The following CDK13 variants were observed in gnomAD, a reference collection of about 807,000 sequenced individuals.
CDK13 encodes the protein cyclin dependent kinase 13, also known as cyclin-dependent kinase 13.
Under a neutral mutation model 137.6 loss-of-function variants are expected in CDK13, and 40 were observed. That is an observed-to-expected ratio of 0.29 (90% CI 0.23 to 0.38). The LOEUF is 0.38. Among genes scored for constraint, CDK13 ranks in the 10% least tolerant of loss-of-function variants. CDK13 has a pLI of 1.00. For synonymous variants in CDK13, 869 were observed against 760.1 expected (o/e 1.14, Z -2.36); for missense variants, 1,704 against 1,951.8 (o/e 0.87, Z 2.39).
At chr7:39,967,753 A>G (rs1406861699) in intron 1 of CDK13, among the ~76,000 whole-genome samples, 1 of 152,154 alleles carries the variant, frequency 6.6e-6, no homozygotes, top group Non-Finnish European at 1.5e-5. Context: ...AACACTTGTT[A>G]TCTTTCATTT....
intron 1 of CDK13, among the ~76,000 whole-genome samples, chr7:39,954,107 G>C (rs929939232): frequency 3.3e-5 from 5 of 152,098 alleles, no homozygotes; most frequent in African/African-American, 1.2e-4. Context: ...TAACCCTTTG[G>C]AATGGTACAG....
chr7:40,024,337 G>T (rs1785191398), intron 5 of CDK13, among the ~76,000 whole-genome samples: 1 of 152,154 alleles, frequency 6.6e-6, no homozygotes, highest in Non-Finnish European at 1.5e-5. Context: ...GTCAGACTTT[G>T]TGAAAGAGTA....
intron 1 of CDK13, among the ~76,000 whole-genome samples, chr7:39,971,812 G>A (rs1221237675): frequency 6.6e-6 from 1 of 152,076 alleles, no homozygotes; most frequent in Non-Finnish European, 1.5e-5. Flanking sequence ...GAACCTGGGA[G>A]GTGGAGCTTG....
At chr7:40,028,640 A>G (rs1436484823) in intron 5 of CDK13, among the ~76,000 whole-genome samples, 1 of 152,170 alleles carries the variant, frequency 6.6e-6, no homozygotes, top group Non-Finnish European at 1.5e-5. Flanking sequence ...TGGTGGTCTC[A>G]CTGAGTCTTA....
In CDK13 at chr7:40,099,385, T is replaced by G. The variant is rs371459998; in HGVS notation, c.*4405T>G. The G allele has an allele frequency of 1.3e-5, 2 of 152,226 alleles. No homozygotes were observed. The highest frequency in any genetic ancestry group is 4.8e-5 in the African/African-American group (2 of 41,468). The allele number at this position is 152,226 out of a possible 1,614,324, so 9.4% of individuals were successfully genotyped here. A position where few individuals can be genotyped will look rare whatever the true frequency, so the allele number is the denominator to read the frequency against. ...CTAATTGTATTCAAATGAGGCTCTATAGTGAATACAGAATCACTCTTCTAA... is the reference window on the plus strand; with the variant it reads ...CTAATTGTATTCAAATGAGGCTCTAGAGTGAATACAGAATCACTCTTCTAA... On this transcript the variant is annotated 3_prime_UTR_variant, in exon 14 of 14. Coordinates refer to ENST00000181839, the MANE Select transcript of CDK13 (RefSeq NM_003718.5).
chr7:40,049,541 G>GA (rs778698525), intron 7 of CDK13, among the ~76,000 whole-genome samples: 2 of 151,988 alleles, frequency 1.3e-5, no homozygotes, highest in Non-Finnish European at 2.9e-5. Context: ...TATACATTGT[G>GA]AAATGGCTAC....
chr7:40,093,397 C>T (rs182289365), intron 13 of CDK13, among the ~76,000 whole-genome samples, 160 bp downstream of exon 13: 1 of 152,258 alleles, frequency 6.6e-6, no homozygotes, highest in East Asian at 1.9e-4. Flanking sequence ...CTGTTTACTT[C>T]CAGGAATGGA....
At chr7:40,005,298 T>C (rs1784775088) in intron 5 of CDK13, among the ~76,000 whole-genome samples, 1 of 151,920 alleles carries the variant, frequency 6.6e-6, no homozygotes, top group South Asian at 2.1e-4. Flanking sequence ...GAATTTTTTT[T>C]TTTTTTTTGA....
chr7:39,954,361 C>T (rs991798993), intron 1 of CDK13, among the ~76,000 whole-genome samples: 2 of 152,104 alleles, frequency 1.3e-5, no homozygotes, highest in Admixed American at 1.3e-4. Flanking sequence ...CTCACTTGTA[C>T]AGATTAATGG....
In CDK13 at chr7:39,987,938, A is replaced by G; in HGVS notation, c.1551A>G (p.Lys517=). 6.2e-7 allele frequency: 1 copy of G among 1,614,194 alleles called. No homozygotes were observed. Among genetic ancestry groups the G allele is most frequent in the South Asian group, 1.1e-5 (1 of 91,074 alleles). Residue 517 remains lysine (K), a synonymous_variant, in exon 2 of 14, where the codon AAA becomes AAG. Coordinates refer to ENST00000181839, the MANE Select transcript of CDK13 (RefSeq NM_003718.5). The stretch of plus-strand genomic sequence containing the variant: ...CAAACCATGTGAAGGATGTGAAGAA[A>G]ATTAAAATTGAACATGCACCTTCTC... ...SQTNHVKDVK[K]IKIEHAPSPS... is the part of the protein sequence containing the mutation.
intron 5 of CDK13, among the ~76,000 whole-genome samples, chr7:40,022,630 T>A (rs1027253321): frequency 6.6e-5 from 10 of 151,016 alleles, no homozygotes; most frequent in Non-Finnish European, 4.4e-5. Flanking sequence ...GGGGTGGGGT[T>A]AGGGGAATAG....
chr7:40,018,744 T>C (rs1235518917), intron 5 of CDK13, among the ~76,000 whole-genome samples: 1 of 152,130 alleles, frequency 6.6e-6, no homozygotes, highest in Admixed American at 6.6e-5. Context: ...TAAAGGATGC[T>C]GGAGACTCAG....
At chr7:40,053,262 G>C (rs1785933670) in intron 7 of CDK13, among the ~76,000 whole-genome samples, 1 of 152,014 alleles carries the variant, frequency 6.6e-6, no homozygotes, top group African/African-American at 2.4e-5. Context: ...CTCTACCCAG[G>C]TGATTTGGGT....
At position 40,092,846 on chromosome 7, in the gene CDK13, A is replaced by G. The variant is rs376091655; in HGVS notation, c.3297A>G (p.Leu1099=). Residue 1099 remains leucine (L), a synonymous_variant, in exon 13 of 14, where the codon CTA becomes CTG. Transcript: ENST00000181839. ...AATTGGCAATTCTACTAAACCTACT[A>G]CAATCTAAAACAAGTGTTAATATGG... ...HSELAILLNL[L]QSKTSVNMAD... The G allele has an allele frequency of 1.9e-6, 3 of 1,614,092 alleles. No homozygotes were observed. The highest frequency in any genetic ancestry group is 1.3e-5 in the African/African-American group (1 of 74,926).
intron 11 of CDK13, among the ~76,000 whole-genome samples, chr7:40,086,705 T>C (rs913298008): frequency 1.3e-5 from 2 of 152,176 alleles, no homozygotes; most frequent in Admixed American, 1.3e-4. Flanking sequence ...AAAACTCGTC[T>C]GTAGCATCAG....
chr7:40,034,481 T>C (rs1284584260), intron 5 of CDK13, among the ~76,000 whole-genome samples: 1 of 152,214 alleles, frequency 6.6e-6, no homozygotes, highest in East Asian at 1.9e-4. Flanking sequence ...ACTTTTCTTA[T>C]TAAAGATTAT....
At position 40,029,755 on chromosome 7, in the gene CDK13, C is replaced by T. The variant is rs576527884; in HGVS notation, c.2354-16081C>T. Among the ~76,000 whole-genome samples, 360 of 152,018 alleles carry T rather than the reference C, an allele frequency of 2.4e-3. 1 individual carries two copies. The highest frequency in any genetic ancestry group is 8.2e-3 in the African/African-American group (341 of 41,482). ...ACAACCTCTGCCTCCCGGGTTCAAG[C>T]GATTCTCCTGCCTCAGCCTCCCGCG... On this transcript the variant is annotated intron_variant, in intron 5 of 13. Transcript: ENST00000181839.
At chr7:40,036,899 A>C (rs1785498607) in intron 5 of CDK13, among the ~76,000 whole-genome samples, 2 of 152,182 alleles carry the variant, frequency 1.3e-5, no homozygotes, top group Admixed American at 6.5e-5. Flanking sequence ...ACGTTTACCC[A>C]GTTGTCTCAA....
chr7:39,964,775 C>T (rs1326154711), intron 1 of CDK13, among the ~76,000 whole-genome samples: 2 of 151,868 alleles, frequency 1.3e-5, no homozygotes, highest in South Asian at 2.1e-4. Context: ...TTATAAATTT[C>T]CCTCTACACA....
Sources: allele counts gnomAD v4.1 joint callset (sites outside exome capture counted in the v4.1 genomes callset), GRCh38; gene constraint gnomAD v4.1.1; transcripts MANE v1.5; gene names NCBI Gene and HGNC (gene_info 2026-07-23, HGNC 2026-07-21).